RIMS1: variants seen among roughly 807,000 people sequenced by gnomAD.
RIMS1 encodes regulating synaptic membrane exocytosis 1.
In RIMS1, 83 loss-of-function variants were observed where a neutral mutation model predicts 214.1. The ratio of observed to expected loss-of-function variants is 0.39; its 90% confidence interval spans 0.32 to 0.47. The LOEUF is 0.47. RIMS1 is among the 20% of genes least tolerant of loss of function. RIMS1 has a pLI of 0.99. For synonymous variants in RIMS1, 793 were observed against 786.8 expected (o/e 1.01, Z -0.13); for missense variants, 2,050 against 2,161.8 (o/e 0.95, Z 1.03).
intron 12 of RIMS1, among the ~76,000 whole-genome samples, chr6:72,248,351 A>G (rs1443318677): frequency 1.3e-5 from 2 of 152,180 alleles, no homozygotes; most frequent in Admixed American, 6.6e-5. Flanking sequence ...TACTCTGAAC[A>G]TTAATTGATG....
At chr6:72,178,539 A>G (rs2153966100) in intron 4 of RIMS1, among the ~76,000 whole-genome samples, 1 of 152,306 alleles carries the variant, frequency 6.6e-6, no homozygotes, top group South Asian at 2.1e-4. Context: ...TTTGGTAATT[A>G]GTTTTTCCTG....
intron 4 of RIMS1, among the ~76,000 whole-genome samples, chr6:72,154,884 G>A (rs546598741): frequency 7.1e-6 from 1 of 140,268 alleles, no homozygotes; most frequent in South Asian, 2.4e-4. Flanking sequence ...CTTCTTTCTT[G>A]CTTCACCCAG....
At chr6:72,167,520 G>A (rs933593269) in intron 4 of RIMS1, among the ~76,000 whole-genome samples, 56 of 151,908 alleles carry the variant, frequency 3.7e-4, no homozygotes, top group Non-Finnish European at 6.6e-4. Context: ...GATATCATTC[G>A]CTCTTTAAAT....
chr6:72,211,822 A>G (rs2053859184), intron 6 of RIMS1, among the ~76,000 whole-genome samples: 1 of 152,052 alleles, frequency 6.6e-6, no homozygotes, highest in South Asian at 2.1e-4. Flanking sequence ...TCTGGCTGTC[A>G]TATTAGTACC....
chr6:72,292,598 A>G (rs1034039518), intron 26 of RIMS1, among the ~76,000 whole-genome samples: 2 of 152,064 alleles, frequency 1.3e-5, no homozygotes, highest in Non-Finnish European at 2.9e-5. Flanking sequence ...AGCAACAAAG[A>G]AAGAGAAAGA....
At chr6:71,995,451 CGT>C (rs59174738) in intron 2 of RIMS1, among the ~76,000 whole-genome samples, 4,568 of 144,360 alleles carry the variant, frequency 0.032, 71 homozygotes, top group African/African-American at 0.052. Context: ...TGTAATATGA[CGT>C]GTGTGTGTGT....
Position 72,182,273 on chromosome 6 carries a change from G to C in RIMS1, c.813-11G>C. 6.4e-7 allele frequency: 1 copy of C among 1,554,544 alleles called. No homozygotes were observed. The highest frequency in any genetic ancestry group is 8.7e-7 in the Non-Finnish European group (1 of 1,155,884). On this transcript the variant is annotated splice_polypyrimidine_tract_variant and intron_variant, in intron 5 of 33. Coordinates refer to ENST00000521978, the MANE Select transcript of RIMS1 (RefSeq NM_014989.7). ...AAATTGCTCTCCTTGACGTTCCTTT[G>C]TATATCATAGAAAGAAGACCCCAGG...
intron 1 of RIMS1, among the ~76,000 whole-genome samples, chr6:71,930,010 A>T (rs1200751022): frequency 6.6e-6 from 1 of 152,154 alleles, no homozygotes; most frequent in African/African-American, 2.4e-5. Context: ...GTATTGCCAG[A>T]TTAAGATAGA....
chr6:72,096,088 T>G (rs1193965589), intron 2 of RIMS1, among the ~76,000 whole-genome samples: 2 of 152,220 alleles, frequency 1.3e-5, no homozygotes, highest in Non-Finnish European at 2.9e-5. Flanking sequence ...GGAGGAGACT[T>G]TAATCACATT....
At chr6:72,317,002 G>A in intron 28 of RIMS1, 1 of 511,008 alleles carries the variant, frequency 2.0e-6, no homozygotes, top group Non-Finnish European at 3.8e-6. Flanking sequence ...CTGCTGGGAA[G>A]CCTCCCCCTC....
At chr6:72,355,653 G>A (rs1022940475) in intron 29 of RIMS1, among the ~76,000 whole-genome samples, 1 of 152,134 alleles carries the variant, frequency 6.6e-6, no homozygotes, top group Admixed American at 6.6e-5. Context: ...AGTTCGAGAT[G>A]TTGGATATTT....
intron 4 of RIMS1, 84 bp downstream of exon 4, chr6:72,100,070 A>G (rs923340564): frequency 3.4e-5 from 36 of 1,065,534 alleles, no homozygotes; most frequent in African/African-American, 4.7e-5. Context: ...TAGTATTGTT[A>G]ATAACTATAT....
intron 26 of RIMS1, among the ~76,000 whole-genome samples, chr6:72,305,407 G>C (rs577756717): frequency 6.6e-6 from 1 of 152,186 alleles, no homozygotes; most frequent in South Asian, 2.1e-4. Flanking sequence ...ATTTAAGTCT[G>C]TTTTTATTAC....
In RIMS1 at chr6:71,917,600, A is replaced by G. The variant is rs556909529; in HGVS notation, c.164+30413A>G. Among the ~76,000 whole-genome samples, 195 of 152,260 alleles carry G rather than the reference A, an allele frequency of 1.3e-3. 1 individual carries two copies. The highest frequency in any genetic ancestry group is 4.4e-3 in the African/African-American group (182 of 41,564). ...GGTTGGACAAAATTTTCAGCAAGGA[A>G]TTATAAATTCTAAATAACGAAAAGC... is the stretch of plus-strand genomic sequence containing the variant. On this transcript the variant is annotated intron_variant, in intron 1 of 33. Transcript: ENST00000521978.
At chr6:72,104,073 G>A (rs960028260) in intron 4 of RIMS1, among the ~76,000 whole-genome samples, 1 of 151,996 alleles carries the variant, frequency 6.6e-6, no homozygotes, top group South Asian at 2.1e-4. Context: ...GAATTATATA[G>A]GTACTTATTA....
chr6:72,351,625 G>A (rs1478398357), intron 29 of RIMS1, among the ~76,000 whole-genome samples: 3 of 152,162 alleles, frequency 2.0e-5, no homozygotes, highest in Non-Finnish European at 4.4e-5. Context: ...CAGCTAGTAA[G>A]TGGCAAAGAA....
At chr6:72,348,865 A>T (rs2097353597) in intron 29 of RIMS1, among the ~76,000 whole-genome samples, 1 of 152,016 alleles carries the variant, frequency 6.6e-6, no homozygotes, top group Non-Finnish European at 1.5e-5. Flanking sequence ...ATGAGAAATA[A>T]TAATGATTGA....
intron 1 of RIMS1, among the ~76,000 whole-genome samples, chr6:71,963,930 A>C (rs1276032582): frequency 6.6e-6 from 1 of 152,132 alleles, no homozygotes; most frequent in Non-Finnish European, 1.5e-5. Flanking sequence ...TTGCTATTAC[A>C]TGTAAGACAC....
intron 6 of RIMS1, among the ~76,000 whole-genome samples, chr6:72,227,790 C>T (rs529570835): frequency 6.6e-6 from 1 of 151,836 alleles, no homozygotes; most frequent in South Asian, 2.1e-4. Flanking sequence ...TTTGTCACAC[C>T]AATAACTTAA....
Sources: allele counts gnomAD v4.1 joint callset (sites outside exome capture counted in the v4.1 genomes callset), GRCh38; gene constraint gnomAD v4.1.1; transcripts MANE v1.5; gene names NCBI Gene and HGNC (gene_info 2026-07-23, HGNC 2026-07-21).